The following CLPS variants were observed in gnomAD, a reference collection of about 807,000 sequenced individuals.
The protein encoded by CLPS is colipase, pancreatic.
Under a neutral mutation model 9.3 loss-of-function variants are expected in CLPS, and 8 were observed. That is an observed-to-expected ratio of 0.86 (90% confidence interval 0.51 to 1.56). The LOEUF (loss-of-function observed/expected upper bound fraction) is 1.56. Ranked by LOEUF, CLPS falls within the 40% of genes most tolerant of loss-of-function variation. The pLI is 0.00. For missense variants in CLPS, 144 were observed against 145.7 expected (o/e 0.99, Z 0.06); for synonymous variants, 61 against 56.2 (o/e 1.09, Z -0.39).
Position 35,795,204 on chromosome 6 carries a change from C to A in CLPS, c.281G>T (p.Gly94Val), listed in dbSNP as rs1803299. The A allele has an allele frequency of 6.2e-7, 1 of 1,614,118 alleles. No homozygotes were observed. Among genetic ancestry groups the A allele is most frequent in the African/African-American group, 1.3e-5 (1 of 74,946 alleles). Residue 94 changes from glycine (G) to valine (V), a missense_variant, in exon 3 of 3, where the codon GGC (glycine) becomes GTC (valine). Transcript: ENST00000259938. ...GCCAAAGTTGGTGTTGGTGATGGAG[C>A]CCACGATGGTCTTGTCTCCCTCACA... ...LTCEGDKTIV[G>V]SITNTNFGIC...
At chr6:35,795,444 C>T (rs1315226802) in intron 2 of CLPS, among the ~76,000 whole-genome samples, 167 bp from the exon 3 acceptor site, 2 of 152,222 alleles carry the variant, frequency 1.3e-5, no homozygotes, top group African/African-American at 4.8e-5. Flanking sequence ...CAGCTCTGAC[C>T]TCTGCTCTGG....
Position 35,795,193 on chromosome 6 carries a change from T to C in CLPS, c.292A>G (p.Asn98Asp). The C allele has an allele frequency of 1.2e-6, 2 of 1,614,234 alleles. No individual in the cohort carries two copies. Among genetic ancestry groups the C allele is most frequent in the South Asian group, 1.1e-5 (1 of 91,088 alleles). The change falls in exon 3 of 3, where the codon AAC becomes GAC. Residue 98 changes from asparagine (N) to aspartate (D), a missense_variant. By Grantham distance (23) the Asn-to-Asp change is conservative (BLOSUM62 1). Transcript: ENST00000259938. ...TCATGGCAGATGCCAAAGTTGGTGT[T>C]GGTGATGGAGCCCACGATGGTCTTG... Reference protein sequence around the residue: ...GDKTIVGSITNTNFGICHDAG... With the variant: ...GDKTIVGSITDTNFGICHDAG...
At chr6:35,795,364 G>A (rs1768331770) in intron 2 of CLPS, 87 bp from the exon 3 acceptor site, 2 of 1,543,676 alleles carry the variant, frequency 1.3e-6, no homozygotes, top group East Asian at 4.6e-5. Context: ...GAACCAGTAG[G>A]CCAGCCTGTG....
intron 2 of CLPS, 48 bp from the exon 3 acceptor site, chr6:35,795,325 G>C (rs763968976): frequency 3.8e-6 from 6 of 1,596,278 alleles, no homozygotes; most frequent in Non-Finnish European, 4.3e-6. Flanking sequence ...AGATACTTTG[G>C]ACATCACTTG....
chr6:35,796,381 G>A (rs1768369178), intron 1 of CLPS, among the ~76,000 whole-genome samples: 1 of 152,286 alleles, frequency 6.6e-6, no homozygotes, highest in African/African-American at 2.4e-5. Flanking sequence ...GGCTTTCCCA[G>A]CCAAGACCCA....
rs771284541 is a variant in CLPS, at chr6:35,795,802, GGCA to G, written c.133_135del (p.Cys45del). ...GCCAGGCCCAGCGCACTTGAATGCT[GGCA>G]GCAATTGCTCTTACACTGGGCACTA... On this transcript the variant is annotated inframe_deletion, in exon 2 of 3. Transcript: ENST00000259938. The G allele has an allele frequency of 8.1e-6, 13 of 1,613,184 alleles. No homozygotes were observed. Among genetic ancestry groups the G allele is most frequent in the Non-Finnish European group, 8.5e-6 (10 of 1,180,040 alleles).
intron 1 of CLPS, chr6:35,796,947 G>GAA (rs146242201): frequency 5.2e-5 from 26 of 498,646 alleles, no homozygotes; most frequent in Non-Finnish European, 6.2e-5. Flanking sequence ...AGAAAAAAAA[G>GAA]AAAAAAAAGG....
rs1051934306 is a variant in CLPS, at chr6:35,795,212, G to T, written c.273C>A (p.Thr91=). The change falls in exon 3 of 3, where the codon ACC becomes ACA. Residue 91 remains threonine (T), a synonymous_variant. Transcript: ENST00000259938. ...TGGTGTTGGTGATGGAGCCCACGAT[G>T]GTCTTGTCTCCCTCACAGGTCAGGC... The part of the protein sequence containing the change: ...ERGLTCEGDK[T]IVGSITNTNF... 6.2e-7 allele frequency: 1 copy of T among 1,614,206 alleles called. No homozygotes were observed. The highest frequency in any genetic ancestry group is 8.5e-7 in the Non-Finnish European group (1 of 1,180,022).
Position 35,795,227 on chromosome 6 carries a change from A to G in CLPS, c.258T>C (p.Cys86=), listed in dbSNP as rs756310741. 5.0e-6 allele frequency: 8 copies of G among 1,614,110 alleles called. No homozygotes were observed. The Admixed American group carries it at 8.3e-5, about 17-fold the overall frequency. Residue 86 remains cysteine (C), a synonymous_variant, in exon 3 of 3, where the codon TGT becomes TGC. Coordinates refer to ENST00000259938, the MANE Select transcript of CLPS (RefSeq NM_001832.4). The part of the protein sequence containing the change: ...YKCPCERGLT[C]EGDKTIVGSI... ...AGCCCACGATGGTCTTGTCTCCCTCACAGGTCAGGCCACGCTCACAGGGAC... is the reference window on the plus strand; with the variant it reads ...AGCCCACGATGGTCTTGTCTCCCTCGCAGGTCAGGCCACGCTCACAGGGAC...
chr6:35,795,587 A>G, intron 2 of CLPS, 144 bp downstream of exon 2: 1 of 1,347,798 alleles, frequency 7.4e-7, no homozygotes, highest in South Asian at 1.4e-5. Flanking sequence ...ATGGGATGGG[A>G]AAGTGCTTTG....
chr6:35,795,396 A>C (rs1174448301), intron 2 of CLPS, 119 bp from the exon 3 acceptor site: 4 of 1,432,172 alleles, frequency 2.8e-6, no homozygotes, highest in Non-Finnish European at 3.8e-6. Flanking sequence ...TGCCTCTCCC[A>C]CCTGCCTCCC....
In CLPS at chr6:35,797,165, C is replaced by T. The variant is rs577828670; in HGVS notation, c.84+40G>A. 4 of 1,566,134 alleles carry T rather than the reference C, an allele frequency of 2.6e-6. No individual in the cohort carries two copies. The Admixed American group carries it at 5.0e-5, about 20-fold the overall frequency. ...AGGTCCAAGCTTAGGAAGTCTTCAT[C>T]TGGGGACTCAGGAGGCGCCTCCCCT... On this transcript the variant is annotated intron_variant, in intron 1 of 2. Coordinates refer to ENST00000259938, the MANE Select transcript of CLPS (RefSeq NM_001832.4).
At chr6:35,795,667 T>TCA in intron 2 of CLPS, 64 bp downstream of exon 2, 1 of 1,590,096 alleles carries the variant, frequency 6.3e-7, no homozygotes, top group Non-Finnish European at 8.5e-7. Flanking sequence ...CTGATCCCAC[T>TCA]CACAAGTGTT....
At chr6:35,795,380 G>A (rs1288141093) in intron 2 of CLPS, 103 bp from the exon 3 acceptor site, 114 of 1,502,060 alleles carry the variant, frequency 7.6e-5, no homozygotes, top group Non-Finnish European at 9.1e-5. Flanking sequence ...CTGTGTTTTC[G>A]GGGAGTGCCT....
rs1489117022 is a variant in CLPS at position 35,795,712 on chromosome 6, C to G, written c.207+19G>C. 6.2e-7 allele frequency: 1 copy of G among 1,609,926 alleles called. No homozygotes were observed. Among genetic ancestry groups the G allele is most frequent in the South Asian group, 1.1e-5 (1 of 91,024 alleles). The stretch of plus-strand genomic sequence containing the variant: ...ACTCCCCATTCTCCCCCACCCACGC[C>G]AAGTCCTCAGGCACCCACCTTGACA... On this transcript the variant is annotated intron_variant, in intron 2 of 2. Coordinates refer to ENST00000259938, the MANE Select transcript of CLPS (RefSeq NM_001832.4).
intron 2 of CLPS, 52 bp from the exon 3 acceptor site, chr6:35,795,329 T>C: frequency 6.3e-7 from 1 of 1,591,752 alleles, no homozygotes; most frequent in South Asian, 1.1e-5. Flanking sequence ...ACTTTGGACA[T>C]CACTTGTCCC....
chr6:35,795,400 G>C, intron 2 of CLPS, 123 bp from the exon 3 acceptor site: 1 of 1,411,562 alleles, frequency 7.1e-7, no homozygotes. Flanking sequence ...TCTCCCACCT[G>C]CCTCCCCAGG....
At chr6:35,795,704 A>C in intron 2 of CLPS, 27 bp downstream of exon 2, 1 of 1,606,562 alleles carries the variant, frequency 6.2e-7, no homozygotes, top group Non-Finnish European at 8.5e-7. Flanking sequence ...ATTCTCCCCC[A>C]CCCACGCCAA....
At chr6:35,797,090 A>G in intron 1 of CLPS, 115 bp downstream of exon 1, 1 of 947,428 alleles carries the variant, frequency 1.1e-6, no homozygotes, top group Non-Finnish European at 1.6e-6. Flanking sequence ...GGGATGCAAG[A>G]TGCCACTCCT....
Sources: gnomAD v4.1 joint callset for allele counts (sites outside exome capture counted in the v4.1 genomes callset) on GRCh38, gnomAD v4.1.1 for gene constraint, MANE v1.5 for transcripts, NCBI Gene and HGNC (gene_info 2026-07-23, HGNC 2026-07-21) for gene names.